The following IFIH1 variants were observed in gnomAD, a reference collection of about 807,000 sequenced individuals.
IFIH1 encodes the protein interferon-induced helicase C domain-containing protein 1.
In IFIH1, 125 loss-of-function variants were observed where a neutral mutation model predicts 107.4. The observed-to-expected ratio is 1.16, with a 90% confidence interval of 1.01 to 1.35. The LOEUF is 1.35. Ranked by LOEUF, IFIH1 falls within the 40% of genes most tolerant of loss-of-function variation. IFIH1 has a pLI of 0.00. For missense variants in IFIH1, 1,333 were observed against 1,213.7 expected (o/e 1.10, Z -1.46); for synonymous variants, 458 against 413.2 (o/e 1.11, Z -1.31).
intron 13 of IFIH1, among the ~76,000 whole-genome samples, chr2:162,270,779 G>A (rs567255560): frequency 6.6e-6 from 1 of 152,208 alleles, no homozygotes; most frequent in East Asian, 1.9e-4. Context: ...CTTTCCAGTG[G>A]CATAATTTGG....
chr2:162,286,166 A>G (rs2105206675), intron 5 of IFIH1, among the ~76,000 whole-genome samples: 1 of 152,102 alleles, frequency 6.6e-6, no homozygotes, highest in African/African-American at 2.4e-5. Flanking sequence ...TATATGGAAA[A>G]CAGTTAAAGG....
chr2:162,310,484 C>G, intron 2 of IFIH1: 1 of 501,996 alleles, frequency 2.0e-6, no homozygotes, highest in Non-Finnish European at 3.5e-6. Context: ...TTTAATGTTA[C>G]ATAATCTTGA....
At position 162,277,704 on chromosome 2, in the gene IFIH1, A is replaced by T; in HGVS notation, c.1766-11T>A. On this transcript the variant is annotated splice_polypyrimidine_tract_variant and intron_variant, in intron 9 of 15. Coordinates refer to ENST00000649979, the MANE Select transcript of IFIH1 (RefSeq NM_022168.4). Reference sequence around the variant, plus strand: ...TTCCTTCTTTTGCAGCTGTGAAAAAATATATTATGTAAGTGAAATAATAAG... The same window carrying T: ...TTCCTTCTTTTGCAGCTGTGAAAAATTATATTATGTAAGTGAAATAATAAG... 6.3e-7 allele frequency: 1 copy of T among 1,597,634 alleles called. No individual in the cohort carries two copies. Among genetic ancestry groups the T allele is most frequent in the Non-Finnish European group, 8.5e-7 (1 of 1,172,740 alleles).
At chr2:162,274,352 G>A (rs13406751) in intron 11 of IFIH1, among the ~76,000 whole-genome samples, 52 of 152,156 alleles carry the variant, frequency 3.4e-4, no homozygotes, top group African/African-American at 1.2e-3. Flanking sequence ...AAGATGCAGA[G>A]ATGCTTTGAT....
intron 1 of IFIH1, among the ~76,000 whole-genome samples, chr2:162,311,403 G>GATTATC (rs1683382987): frequency 6.6e-6 from 1 of 151,690 alleles, no homozygotes; most frequent in East Asian, 2.0e-4. Context: ...CTTTCTTCAT[G>GATTATC]ATTATCATTA....
intron 1 of IFIH1, among the ~76,000 whole-genome samples, chr2:162,311,180 A>AT (rs1049438410): frequency 5.9e-5 from 9 of 151,926 alleles, no homozygotes; most frequent in South Asian, 2.1e-4. Flanking sequence ...AATATGAACC[A>AT]TTTTTTTTAA....
At chr2:162,305,295 C>G (rs779464131) in intron 3 of IFIH1, among the ~76,000 whole-genome samples, 1 of 152,122 alleles carries the variant, frequency 6.6e-6, no homozygotes, top group Non-Finnish European at 1.5e-5. Flanking sequence ...CAAGGCCAGG[C>G]GGAGTGGCTC....
intron 11 of IFIH1, among the ~76,000 whole-genome samples, chr2:162,274,707 G>A (rs866909869): frequency 6.6e-6 from 1 of 152,078 alleles, no homozygotes; most frequent in Non-Finnish European, 1.5e-5. Flanking sequence ...CCTTACATGG[G>A]AGAAATGAGT....
At chr2:162,309,569 A>G (rs1019890510) in intron 2 of IFIH1, among the ~76,000 whole-genome samples, 8 of 152,220 alleles carry the variant, frequency 5.3e-5, no homozygotes, top group Admixed American at 5.2e-4. Context: ...TTCAGTTCAA[A>G]CTGGAAGTGT....
rs769101700 is a variant in IFIH1, at chr2:162,282,453, A to G, written c.1219T>C (p.Cys407Arg). 4 of 1,611,782 alleles carry G rather than the reference A, an allele frequency of 2.5e-6. No homozygotes were observed. Among genetic ancestry groups the G allele is most frequent in the Non-Finnish European group, 3.4e-6 (4 of 1,178,362 alleles). ...KISFPEVVKS[C>R]DIIISTAQIL... ...TGAGCTGTACTGATAATAATATCAC[A>G]GGACTTGACAACTTCTGGAAATGAT... The change falls in exon 6 of 16, where the codon TGT becomes CGT. Residue 407 changes from cysteine to arginine, a missense_variant. Transcript: ENST00000649979.
In IFIH1 at chr2:162,268,281, G is replaced by A. The variant is rs763876323; in HGVS notation, c.2617-4C>T. On this transcript the variant is annotated splice_polypyrimidine_tract_variant and splice_region_variant and intron_variant, in intron 13 of 15. Coordinates refer to ENST00000649979, the MANE Select transcript of IFIH1 (RefSeq NM_022168.4). ...TTTGCATCTGTAATTCCAAAATCTGGACAGAGAAAGGAATAGTTAGTGGTT... is the reference window on the plus strand; with the variant it reads ...TTTGCATCTGTAATTCCAAAATCTGAACAGAGAAAGGAATAGTTAGTGGTT... 6.3e-7 allele frequency: 1 copy of A among 1,585,728 alleles called. No homozygotes were observed. The highest frequency in any genetic ancestry group is 8.6e-7 in the Non-Finnish European group (1 of 1,157,874).
Position 162,317,845 on chromosome 2 carries a change from A to G in IFIH1, c.453+10T>C. Reference sequence around the variant, plus strand: ...CCTAAAAGGCTAGCTCCATCTGAACAGACACCTACCCGGTTTCTGTCTTCA... The same window carrying G: ...CCTAAAAGGCTAGCTCCATCTGAACGGACACCTACCCGGTTTCTGTCTTCA... On this transcript the variant is annotated intron_variant, in intron 1 of 15. Transcript: ENST00000649979. 1 of 1,556,332 alleles carries G rather than the reference A, an allele frequency of 6.4e-7. No individual in the cohort carries two copies. Among genetic ancestry groups the G allele is most frequent in the Non-Finnish European group, 8.7e-7 (1 of 1,153,508 alleles).
chr2:162,293,539 G>C lies in IFIH1; in HGVS notation c.874+25C>G, dbSNP rs74162077. On this transcript the variant is annotated intron_variant, in intron 4 of 15. Transcript: ENST00000649979. The stretch of plus-strand genomic sequence containing the variant: ...TGGCGTCTTATTTCACACTTTTTAA[G>C]GTTTACACAACAGTTAGGCAGTACC... 1,407 of 1,468,990 alleles carry C rather than the reference G, an allele frequency of 9.6e-4. 5 individuals are homozygous for C. The highest frequency in any genetic ancestry group is 4.0e-3 in the Middle Eastern group (23 of 5,694). The allele number at this position is 1,468,990 out of a possible 1,614,324, so 91.0% of individuals were successfully genotyped here. A position where few individuals can be genotyped will look rare whatever the true frequency, so the allele number is the denominator to read the frequency against.
At chr2:162,267,936 G>C (rs757261500) in intron 14 of IFIH1, 151 bp downstream of exon 14, 2 of 572,762 alleles carry the variant, frequency 3.5e-6, no homozygotes, top group East Asian at 3.0e-5. Context: ...TTAAAACATA[G>C]ACATTTAAAA....
rs1244249692 is a variant in IFIH1, at chr2:162,267,558, A to G, written c.2819T>C (p.Ile940Thr). Residue 940 changes from isoleucine to threonine, a missense_variant, in exon 15 of 16, where the codon ATT (isoleucine) becomes ACT (threonine). Coordinates refer to ENST00000649979, the MANE Select transcript of IFIH1 (RefSeq NM_022168.4). ...NMTPEFKELY[I>T]VRENKALQKK... ...TTGCAGTGCTTTGTTTTCTCTTACA[A>G]TGTAAAGTTCCCTATAAGTATCAAA... 1 of 1,606,358 alleles carries G rather than the reference A, an allele frequency of 6.2e-7. No individual in the cohort carries two copies.
intron 3 of IFIH1, among the ~76,000 whole-genome samples, chr2:162,304,192 G>T (rs1446263237): frequency 1.3e-5 from 2 of 152,216 alleles, no homozygotes; most frequent in African/African-American, 4.8e-5. Flanking sequence ...ACAAACAGCA[G>T]CTCAAGCCTA....
rs772170648 is a variant in IFIH1, at chr2:162,272,315, G to A, written c.2527C>T (p.His843Tyr). The change falls in exon 13 of 16, where the codon CAT becomes TAT. Residue 843 changes from histidine (H) to tyrosine (Y), a missense_variant. Coordinates refer to ENST00000649979, the MANE Select transcript of IFIH1 (RefSeq NM_022168.4). ...TCTCGGAAATCATTAACTGTCTCAT[G>A]TTCGATAACTCCTGAACCACTGTGA... ...VAHSGSGVIE[H>Y]ETVNDFREKM... 4 of 1,612,916 alleles carry A rather than the reference G, an allele frequency of 2.5e-6. No homozygotes were observed. The highest frequency in any genetic ancestry group is 1.3e-5 in the African/African-American group (1 of 74,956).
intron 10 of IFIH1, 124 bp downstream of exon 10, chr2:162,277,291 T>C (rs1558865803): frequency 1.4e-6 from 1 of 700,980 alleles, no homozygotes; most frequent in East Asian, 2.7e-5. Flanking sequence ...TAGAAATAGT[T>C]CCAATCTGAG....
intron 2 of IFIH1, 23 bp from the exon 3 acceptor site, chr2:162,306,878 G>T: frequency 6.2e-7 from 1 of 1,609,348 alleles, no homozygotes; most frequent in Non-Finnish European, 8.5e-7. Context: ...GTATTAGAAT[G>T]CAAATCATAG....
Sources: allele counts gnomAD v4.1 joint callset (sites outside exome capture counted in the v4.1 genomes callset), GRCh38; gene constraint gnomAD v4.1.1; transcripts MANE v1.5; gene names NCBI Gene and HGNC (gene_info 2026-07-23, HGNC 2026-07-21).